Variants in RICTOR observed in about 807,000 individuals in gnomAD.
RICTOR encodes RPTOR independent companion of MTOR complex 2, also known as rapamycin-insensitive companion of mTOR.
Under a neutral mutation model 214.9 loss-of-function variants are expected in RICTOR, and 49 were observed. That is an observed-to-expected ratio of 0.23 (90% CI 0.18 to 0.29). The LOEUF (loss-of-function observed/expected upper bound fraction) is 0.29. Ranked by LOEUF, RICTOR falls within the 10% of genes least tolerant of loss-of-function variation. The pLI, the probability that RICTOR is intolerant of heterozygous loss-of-function variation, is 1.00. For synonymous variants in RICTOR, 717 were observed against 711.3 expected (o/e 1.01, Z -0.13); for missense variants, 1,625 against 2,047.0 (o/e 0.79, Z 3.98).
intron 2 of RICTOR, among the ~76,000 whole-genome samples, chr5:39,069,579 C>T (rs538232095): frequency 6.6e-6 from 1 of 152,314 alleles, no homozygotes; most frequent in Non-Finnish European, 1.5e-5. Context: ...GCAGCCTCTA[C>T]ATTTTAATAA....
In RICTOR at chr5:38,955,721, T is replaced by G. The variant is rs1294097048; in HGVS notation, c.2500-17A>C. 7.5e-7 allele frequency: 1 copy of G among 1,329,700 alleles called. No homozygotes were observed. Among genetic ancestry groups the G allele is most frequent in the Non-Finnish European group, 1.1e-6 (1 of 920,850 alleles). 82.4% of individuals were successfully genotyped at this position (1,329,700 alleles called of 1,614,324 possible). On this transcript the variant is annotated splice_polypyrimidine_tract_variant and intron_variant, in intron 25 of 37. Transcript: ENST00000357387. ...GTTGTATTCCTAGAGGATAATATTG[T>G]TTTAATTGCACATAGTATCACAATG...
At position 38,981,789 on chromosome 5, in the gene RICTOR, T is replaced by C. The variant is rs898688162; in HGVS notation, c.753+78A>G. On this transcript the variant is annotated intron_variant, in intron 8 of 37. Coordinates refer to ENST00000357387, the MANE Select transcript of RICTOR (RefSeq NM_152756.5). Reference sequence around the variant, plus strand: ...GATAATTAATGTGGTGCTGCATCTATAAAATTTAGTATTTCAAAGTAAAAG... The same window carrying C: ...GATAATTAATGTGGTGCTGCATCTACAAAATTTAGTATTTCAAAGTAAAAG... 2.2e-5 allele frequency: 22 copies of C among 991,314 alleles called. No individual in the cohort carries two copies. In the Admixed American group the frequency reaches 3.5e-4, roughly 16 times the overall value. The allele number at this position is 991,314 out of a possible 1,614,324, so 61.4% of individuals were successfully genotyped here.
chr5:38,939,100 A>G lies in RICTOR; in HGVS notation c.*3204T>C, dbSNP rs537127766. ...TAACTGCAGTTATAATTTGAATGAC[A>G]GACAATTTGGTTTTTATTGCTTAAT... On this transcript the variant is annotated 3_prime_UTR_variant, in exon 38 of 38. Transcript: ENST00000357387. The G allele has an allele frequency of 2.4e-4, 57 of 233,148 alleles. No individual in the cohort carries two copies. The highest frequency in any genetic ancestry group is 5.4e-4 in the South Asian group (3 of 5,522). The allele number at this position is 233,148 out of a possible 1,614,324, so 14.4% of individuals were successfully genotyped here.
intron 24 of RICTOR, 134 bp from the exon 25 acceptor site, chr5:38,957,864 G>A: frequency 1.9e-6 from 1 of 515,284 alleles, no homozygotes; most frequent in Non-Finnish European, 3.4e-6. Flanking sequence ...AAAACTAAAA[G>A]GTCAACTATA....
At chr5:39,012,820 A>G (rs1754642550) in intron 3 of RICTOR, among the ~76,000 whole-genome samples, 1 of 152,190 alleles carries the variant, frequency 6.6e-6, no homozygotes. Flanking sequence ...GGCACTCCCC[A>G]TGCCATCCAT....
intron 2 of RICTOR, among the ~76,000 whole-genome samples, chr5:39,026,935 G>GAAAC (rs1755874023): frequency 1.3e-5 from 2 of 151,934 alleles, no homozygotes; most frequent in Admixed American, 1.3e-4. Context: ...TTGAACCCGG[G>GAAAC]AAACGGAGGT....
intron 3 of RICTOR, among the ~76,000 whole-genome samples, chr5:39,006,960 A>G (rs1476442132): frequency 6.6e-6 from 1 of 152,166 alleles, no homozygotes; most frequent in Non-Finnish European, 1.5e-5. Context: ...TGTCTTGTAC[A>G]GTGTTGAAAG....
chr5:38,991,257 G>A (rs909487296), intron 6 of RICTOR, among the ~76,000 whole-genome samples, 182 bp from the exon 7 acceptor site: 4 of 152,070 alleles, frequency 2.6e-5, no homozygotes, highest in African/African-American at 9.7e-5. Context: ...TGTAACAAAT[G>A]TTAATAGCCA....
Position 38,975,607 on chromosome 5 carries a change from G to T in RICTOR, c.822-3C>A, listed in dbSNP as rs746554833. The T allele has an allele frequency of 6.2e-7, 1 of 1,612,880 alleles. No individual in the cohort carries two copies. Among genetic ancestry groups the T allele is most frequent in the East Asian group, 2.2e-5 (1 of 44,840 alleles). On this transcript the variant is annotated splice_polypyrimidine_tract_variant and splice_region_variant and intron_variant, in intron 9 of 37. Coordinates refer to ENST00000357387, the MANE Select transcript of RICTOR (RefSeq NM_152756.5). ...GAAATCGTGCTTCTCTGTCTTCTCTGTTGGGGGTGGGGAGGCAGCGGGGAG... is the reference window on the plus strand; with the variant it reads ...GAAATCGTGCTTCTCTGTCTTCTCTTTTGGGGGTGGGGAGGCAGCGGGGAG...
At chr5:39,040,374 G>A (rs1000248279) in intron 2 of RICTOR, among the ~76,000 whole-genome samples, 3 of 151,380 alleles carry the variant, frequency 2.0e-5, no homozygotes, top group South Asian at 2.1e-4. Context: ...GTTAAATGAC[G>A]AGTTAATGGT....
intron 7 of RICTOR, among the ~76,000 whole-genome samples, chr5:38,987,388 C>T (rs1752254777): frequency 6.6e-6 from 1 of 152,068 alleles, no homozygotes; most frequent in South Asian, 2.1e-4. Context: ...TTAATTACTG[C>T]CTCAATTTCA....
At chr5:39,068,728 A>G (rs2150219064) in intron 2 of RICTOR, among the ~76,000 whole-genome samples, 1 of 152,338 alleles carries the variant, frequency 6.6e-6, no homozygotes, top group Non-Finnish European at 1.5e-5. Flanking sequence ...AGAAGGAGAG[A>G]CTGAATTCAA....
rs201384226 is a variant in RICTOR, at chr5:38,950,459, C to A, written c.3389G>T (p.Arg1130Leu). The A allele has an allele frequency of 6.2e-7, 1 of 1,613,498 alleles. No individual in the cohort carries two copies. The highest frequency in any genetic ancestry group is 8.5e-7 in the Non-Finnish European group (1 of 1,179,640). Residue 1130 changes from arginine to leucine, a missense_variant, in exon 31 of 38, where the codon CGA (arginine) becomes CTA (leucine). Physicochemically the swap from Arg to Leu is moderately radical, Grantham distance 102 (BLOSUM62 -2). Coordinates refer to ENST00000357387, the MANE Select transcript of RICTOR (RefSeq NM_152756.5). ...LSSESKTSNR[R>L]IRTLTEPSVD... ...ACTGGGCTCCGTAAGTGTTCTGATT[C>A]GCCTGTTGCTTGTCTTACTTTCAGA...
At chr5:38,954,256 C>T (rs1479494313) in intron 27 of RICTOR, among the ~76,000 whole-genome samples, 1 of 151,888 alleles carries the variant, frequency 6.6e-6, no homozygotes, top group Non-Finnish European at 1.5e-5. Context: ...ATATTCACAA[C>T]CATAAATGCG....
chr5:38,944,166 G>T (rs1334547604), intron 36 of RICTOR: 1 of 505,614 alleles, frequency 2.0e-6, no homozygotes, highest in Non-Finnish European at 3.8e-6. Context: ...AAGTAAAAAA[G>T]TGAGAAGAGT....
In RICTOR at chr5:39,074,110, C is replaced by G; in HGVS notation, c.97+1G>C. 6.4e-7 allele frequency: 1 copy of G among 1,573,994 alleles called. No homozygotes were observed. Among genetic ancestry groups the G allele is most frequent in the South Asian group, 1.1e-5 (1 of 87,424 alleles). On this transcript the variant is annotated splice_donor_variant, in intron 2 of 37. Coordinates refer to ENST00000357387, the MANE Select transcript of RICTOR (RefSeq NM_152756.5). LOFTEE classifies it high-confidence loss of function. ...GCGGCGCCCGCGGCGCCCCGCGTTA[C>G]CTCGGGTCAGATCCAGCGGGACGTT... is the stretch of plus-strand genomic sequence containing the variant.
chr5:38,960,037 ATCAACT>A, intron 20 of RICTOR, 59 bp from the exon 21 acceptor site: 1 of 1,153,852 alleles, frequency 8.7e-7, no homozygotes, highest in Non-Finnish European at 1.3e-6. Context: ...TAATTAGAAA[ATCAACT>A]TCAATCAAGT....
intron 10 of RICTOR, among the ~76,000 whole-genome samples, chr5:38,973,822 G>T (rs1434903737): frequency 2.6e-5 from 4 of 152,146 alleles, no homozygotes; most frequent in Non-Finnish European, 5.9e-5. Flanking sequence ...ATTAAAAAAT[G>T]TGTTCTAAAA....
intron 7 of RICTOR, among the ~76,000 whole-genome samples, chr5:38,988,600 G>T (rs1292670213): frequency 6.6e-6 from 1 of 151,804 alleles, no homozygotes; most frequent in Non-Finnish European, 1.5e-5. Context: ...CACGTAAGAT[G>T]GGTCTCCTTA....
Sources: allele counts gnomAD v4.1 joint callset (sites outside exome capture counted in the v4.1 genomes callset), GRCh38; gene constraint gnomAD v4.1.1; transcripts MANE v1.5; gene names NCBI Gene and HGNC (gene_info 2026-07-23, HGNC 2026-07-21).